ADAMTSL3: variants seen among roughly 807,000 people sequenced by gnomAD.
The protein encoded by ADAMTSL3 is ADAMTS-like protein 3.
In ADAMTSL3, 128 loss-of-function variants were observed where a neutral mutation model predicts 201.7. The observed-to-expected ratio is 0.63, with a 90% CI of 0.55 to 0.73. The LOEUF (loss-of-function observed/expected upper bound fraction) is 0.73, where lower values mean the gene tolerates loss of function less well. ADAMTSL3 is among the 30% of genes least tolerant of loss of function. The probability of loss-of-function intolerance (pLI) is 0.00; values close to 1 mark genes in which losing one functional copy is unlikely to be tolerated. For synonymous variants in ADAMTSL3, 738 were observed against 748.4 expected, an observed-to-expected ratio of 0.99 and a Z score of 0.23; for missense variants, 1,990 against 2,119.6, an observed-to-expected ratio of 0.94 and a Z score of 1.20.
chr15:83,822,819 G>C (rs1270335999), intron 6 of ADAMTSL3, among the ~76,000 whole-genome samples: 1 of 150,044 alleles, frequency 6.7e-6, no homozygotes, highest in African/African-American at 2.5e-5. Context: ...CTGCAATCTC[G>C]GCACTTTGGG....
intron 3 of ADAMTSL3, among the ~76,000 whole-genome samples, chr15:83,716,529 A>G (rs1187894683): frequency 1.3e-5 from 2 of 151,818 alleles, no homozygotes; most frequent in Admixed American, 6.6e-5. Context: ...AAAAAAAAAA[A>G]AGGAAAAGAA....
chr15:84,039,342 C>T lies in ADAMTSL3; in HGVS notation c.*1536C>T, dbSNP rs74026640. On this transcript the variant is annotated 3_prime_UTR_variant, in exon 30 of 30. Transcript: ENST00000286744. ...GCTTGCTGAGTTTCTCTACCATATT[C>T]TGAGCACACGGTCTCTTTTGTTCTA... is the stretch of plus-strand genomic sequence containing the variant. 3.4e-3 allele frequency: 525 copies of T among 152,758 alleles called. 3 individuals are homozygous for T. Among genetic ancestry groups the T allele is most frequent in the African/African-American group, 0.012 (497 of 41,544 alleles). 9.5% of individuals were successfully genotyped at this position (152,758 alleles called of 1,614,324 possible). A position where few individuals can be genotyped will look rare whatever the true frequency, so the allele number is the denominator to read the frequency against.
chr15:83,955,207 G>T (rs1380926096), intron 19 of ADAMTSL3, among the ~76,000 whole-genome samples: 1 of 152,172 alleles, frequency 6.6e-6, no homozygotes, highest in Non-Finnish European at 1.5e-5. Flanking sequence ...ATTACCCTGT[G>T]GCTAAGCTGC....
In ADAMTSL3 at chr15:83,913,355, C is replaced by T; in HGVS notation, c.1964C>T (p.Pro655Leu). 1.2e-6 allele frequency: 2 copies of T among 1,613,524 alleles called. No individual in the cohort carries two copies. The highest frequency in any genetic ancestry group is 1.1e-5 in the South Asian group (1 of 91,064). ...GACTGGGAGTACGCTGGGTTCACCC[C>T]TTGCACAGCAACATGCGTGGGAGGT... ...TYDWEYAGFTPCTATCVGGHQ... is the reference protein window; with the variant it reads ...TYDWEYAGFTLCTATCVGGHQ... Residue 655 changes from proline to leucine, a missense_variant, in exon 16 of 30, where the codon CCT becomes CTT. By Grantham distance (98) the Pro-to-Leu change is moderately conservative. Coordinates refer to ENST00000286744, the MANE Select transcript of ADAMTSL3 (RefSeq NM_207517.3).
chr15:83,923,679 T>A (rs1275083150), intron 16 of ADAMTSL3, among the ~76,000 whole-genome samples: 1 of 151,912 alleles, frequency 6.6e-6, no homozygotes, highest in Non-Finnish European at 1.5e-5. Context: ...AGAGAGGGAG[T>A]AAAGGGACTG....
intron 19 of ADAMTSL3, among the ~76,000 whole-genome samples, chr15:83,951,978 T>G (rs12912715): frequency 0.14 from 21,115 of 152,176 alleles, 1,887 homozygotes; most frequent in Middle Eastern, 0.33. Context: ...ATTGATCGTT[T>G]GTATCGTATT....
intron 5 of ADAMTSL3, 146 bp from the exon 6 acceptor site, chr15:83,819,661 CAAAA>C (rs11301352): frequency 0.014 from 7,129 of 506,416 alleles, no homozygotes; most frequent in South Asian, 0.03. Context: ...AACGTTGAAT[CAAAA>C]AAAAAAAAAA....
intron 8 of ADAMTSL3, among the ~76,000 whole-genome samples, chr15:83,861,066 T>C (rs1202470857): frequency 1.3e-5 from 2 of 152,336 alleles, no homozygotes; most frequent in South Asian, 2.1e-4. Context: ...GCCTTGCTCA[T>C]TGCTAGCACA....
At chr15:83,843,565 T>G (rs1200346823) in intron 7 of ADAMTSL3, among the ~76,000 whole-genome samples, 1 of 152,216 alleles carries the variant, frequency 6.6e-6, no homozygotes, top group Admixed American at 6.5e-5. Context: ...ATAATCATGC[T>G]TTGTGTGAAA....
rs572726244 is a variant in ADAMTSL3, at chr15:83,654,585, G to A, written c.-34+309G>A. Among the ~76,000 whole-genome samples, 1 of 152,266 alleles carries A rather than the reference G, an allele frequency of 6.6e-6. No individual in the cohort carries two copies. The highest frequency in any genetic ancestry group is 2.1e-4 in the South Asian group (1 of 4,828). On this transcript the variant is annotated intron_variant, in intron 1 of 29. Coordinates refer to ENST00000286744, the MANE Select transcript of ADAMTSL3 (RefSeq NM_207517.3). This position sits in a 1 kb window ranked among gnomAD's most constrained non-coding sequence, Gnocchi z 5.3. The stretch of plus-strand genomic sequence containing the variant: ...CAGGGTTGGAGTTTTTCAGGATTGG[G>A]AGTTACTAAGCAGAAACCTCGCGGG...
chr15:83,706,248 A>C (rs2061849592), intron 3 of ADAMTSL3, among the ~76,000 whole-genome samples: 1 of 152,228 alleles, frequency 6.6e-6, no homozygotes, highest in South Asian at 2.1e-4. Context: ...TGTCTTCTCC[A>C]GGTTCCACAG....
intron 9 of ADAMTSL3, among the ~76,000 whole-genome samples, chr15:83,876,153 G>A (rs1317466709): frequency 6.6e-6 from 1 of 151,984 alleles, no homozygotes; most frequent in African/African-American, 2.4e-5. Flanking sequence ...ATGTAATCAT[G>A]GTATTCCCTT....
intron 3 of ADAMTSL3, among the ~76,000 whole-genome samples, chr15:83,714,462 T>C: frequency 6.6e-6 from 1 of 152,206 alleles, no homozygotes; most frequent in South Asian, 2.1e-4. Flanking sequence ...GCATAAATTG[T>C]CCTGTTTGCT....
intron 13 of ADAMTSL3, among the ~76,000 whole-genome samples, chr15:83,897,379 T>A (rs2141907731): frequency 6.6e-6 from 1 of 152,308 alleles, no homozygotes; most frequent in East Asian, 1.9e-4. Context: ...ATGGCCTCGT[T>A]ATATGGTAGC....
intron 4 of ADAMTSL3, among the ~76,000 whole-genome samples, chr15:83,801,280 C>G (rs2063509859): frequency 1.3e-5 from 2 of 151,850 alleles, no homozygotes; most frequent in African/African-American, 4.8e-5. Context: ...TTAGGTAACG[C>G]TTTTGGAGGC....
chr15:83,952,214 A>T (rs948551723), intron 19 of ADAMTSL3, among the ~76,000 whole-genome samples: 10 of 151,966 alleles, frequency 6.6e-5, no homozygotes, highest in Admixed American at 4.6e-4. Flanking sequence ...TTATTGACCC[A>T]CTTGTCATTC....
At chr15:83,725,126 C>G (rs555947596) in intron 3 of ADAMTSL3, among the ~76,000 whole-genome samples, 2 of 152,252 alleles carry the variant, frequency 1.3e-5, no homozygotes, top group African/African-American at 4.8e-5. Context: ...TGAGGAACCT[C>G]CATACTGTTC....
intron 28 of ADAMTSL3, among the ~76,000 whole-genome samples, chr15:84,035,767 G>C (rs1438002280): frequency 6.6e-6 from 1 of 152,190 alleles, no homozygotes; most frequent in Non-Finnish European, 1.5e-5. Flanking sequence ...GGGAGAACAG[G>C]GAGCATGCAG....
chr15:83,674,987 T>A (rs1259743654), intron 2 of ADAMTSL3, among the ~76,000 whole-genome samples: 5 of 151,864 alleles, frequency 3.3e-5, no homozygotes, highest in Non-Finnish European at 7.4e-5. Flanking sequence ...TTACATATTC[T>A]ATATTTTTTT....
Sources: gnomAD v4.1 joint callset for allele counts (sites outside exome capture counted in the v4.1 genomes callset) on GRCh38, gnomAD v4.1.1 for gene constraint, Gnocchi (gnomAD v3.1) non-coding constraint, MANE v1.5 for transcripts, NCBI Gene and HGNC (gene_info 2026-07-23, HGNC 2026-07-21) for gene names.